PPTC7: variants seen among roughly 807,000 people sequenced by gnomAD.
PPTC7 encodes the protein protein phosphatase PTC7 homolog.
In PPTC7, 6 loss-of-function variants were observed where a neutral mutation model predicts 30.8. The ratio of observed to expected loss-of-function variants is 0.19; its 90% CI spans 0.11 to 0.38. The LOEUF is 0.38. PPTC7 is among the 10% of genes least tolerant of loss of function. The pLI is 1.00. For synonymous variants in PPTC7, 163 were observed against 168.1 expected (o/e 0.97, Z 0.23); for missense variants, 218 against 404.8 (o/e 0.54, Z 3.96).
chr12:110,556,670 T>G (rs1179394353), intron 1 of PPTC7, among the ~76,000 whole-genome samples: 1 of 152,110 alleles, frequency 6.6e-6, no homozygotes, highest in African/African-American at 2.4e-5. Context: ...AGGATAAGAA[T>G]AAGAATACCC....
Position 110,575,607 on chromosome 12 carries a change from C to CAA in PPTC7, c.223+7200_223+7201dup, listed in dbSNP as rs55831249. On this transcript the variant is annotated intron_variant, in intron 1 of 5. Transcript: ENST00000354300. ...CTCCTCCCATGCAGCAACCCCACCT[C>CAA]AAAAAAAAAAAAAAAAAAAAAAAAA... Among the ~76,000 whole-genome samples the CAA allele has an allele frequency of 7.7e-3, 205 of 26,532 alleles. 46 individuals carry two copies. Among genetic ancestry groups the CAA allele is most frequent in the East Asian group, 0.04 (26 of 642 alleles). The allele number at this position is 26,532 out of a possible 152,430, so 17.4% of individuals were successfully genotyped here.
At chr12:110,580,882 G>C (rs2064631317) in intron 1 of PPTC7, among the ~76,000 whole-genome samples, 1 of 152,108 alleles carries the variant, frequency 6.6e-6, no homozygotes, top group South Asian at 2.1e-4. Context: ...CTGTTGAGTA[G>C]CTGGGACTAT....
chr12:110,570,857 G>A (rs1565926838), intron 1 of PPTC7, among the ~76,000 whole-genome samples: 1 of 151,728 alleles, frequency 6.6e-6, no homozygotes. Context: ...CTCAGAGGCT[G>A]GCGGGATCCT....
At chr12:110,566,149 C>T (rs1300838263) in intron 1 of PPTC7, among the ~76,000 whole-genome samples, 2 of 49,442 alleles carry the variant, frequency 4.0e-5, no homozygotes, top group Non-Finnish European at 7.3e-5. Context: ...CAGTGCAGAG[C>T]TTACGGCATT....
Position 110,583,155 on chromosome 12 carries a change from A to T in PPTC7, c.-124T>A, listed in dbSNP as rs984090414. On this transcript the variant is annotated 5_prime_UTR_variant, in exon 1 of 6. Transcript: ENST00000354300. ...TGGGGCGCTCCTCAGGGCGGCGCGC[A>T]GTGGCCGCCGCCGCCCCTGCCCGAC... 9.0e-5 allele frequency: 52 copies of T among 579,724 alleles called. No homozygotes were observed. In the African/African-American group the frequency reaches 1.0e-3, roughly 11 times the overall value. 35.9% of individuals were successfully genotyped at this position (579,724 alleles called of 1,614,324 possible). A position where few individuals can be genotyped will look rare whatever the true frequency, so the allele number is the denominator to read the frequency against.
chr12:110,569,190 G>A (rs941882778), intron 1 of PPTC7, among the ~76,000 whole-genome samples: 36 of 151,830 alleles, frequency 2.4e-4, no homozygotes, highest in African/African-American at 7.0e-4. Flanking sequence ...AAAATTAGCC[G>A]GGCATGGTGG....
chr12:110,543,371 G>A (rs1338692988), intron 3 of PPTC7, among the ~76,000 whole-genome samples: 2 of 151,114 alleles, frequency 1.3e-5, no homozygotes, highest in East Asian at 1.9e-4. Flanking sequence ...AAACCTGTAA[G>A]TTAAGGTTAA....
At chr12:110,579,064 G>A (rs1159830092) in intron 1 of PPTC7, among the ~76,000 whole-genome samples, 2 of 152,000 alleles carry the variant, frequency 1.3e-5, no homozygotes, top group African/African-American at 4.8e-5. Flanking sequence ...CACAAGAATC[G>A]CTTGAAGCTG....
chr12:110,534,358 C>T lies in PPTC7; in HGVS notation c.*2679G>A, dbSNP rs922595750. Reference sequence around the variant, plus strand: ...ATTTGCCATTTGTAAATTAGAAATCCAAATTTTTTCTTTTGTTATAAAAGT... The same window carrying T: ...ATTTGCCATTTGTAAATTAGAAATCTAAATTTTTTCTTTTGTTATAAAAGT... On this transcript the variant is annotated 3_prime_UTR_variant, in exon 6 of 6. Transcript: ENST00000354300. 2.6e-5 allele frequency: 4 copies of T among 151,728 alleles called. No individual in the cohort carries two copies. Among genetic ancestry groups the T allele is most frequent in the African/African-American group, 9.7e-5 (4 of 41,238 alleles). The allele number at this position is 151,728 out of a possible 1,614,324, so 9.4% of individuals were successfully genotyped here.
chr12:110,533,447 A>C lies in PPTC7; in HGVS notation c.*3590T>G, dbSNP rs988072659. 6.6e-6 allele frequency: 1 copy of C among 152,218 alleles called. No individual in the cohort carries two copies. The highest frequency in any genetic ancestry group is 1.5e-5 in the Non-Finnish European group (1 of 68,038). 9.4% of individuals were successfully genotyped at this position (152,218 alleles called of 1,614,324 possible). A position where few individuals can be genotyped will look rare whatever the true frequency, so the allele number is the denominator to read the frequency against. On this transcript the variant is annotated 3_prime_UTR_variant, in exon 6 of 6. Coordinates refer to ENST00000354300, the MANE Select transcript of PPTC7 (RefSeq NM_139283.2). ...TTCTAATTTGCTTCATTATTTAGCCATCTTTGCCACAAACTACCTGCTAAC... is the reference window on the plus strand; with the variant it reads ...TTCTAATTTGCTTCATTATTTAGCCCTCTTTGCCACAAACTACCTGCTAAC...
chr12:110,546,293 A>G lies in PPTC7; in HGVS notation c.404-215T>C, dbSNP rs1190332663. On this transcript the variant is annotated intron_variant, in intron 2 of 5. Transcript: ENST00000354300. ...GAAAGAAAAAGGATTTGTATTATAC[A>G]TAGTAATTGGGCCACAGATGATCTG... The G allele has an allele frequency of 1.1e-5, 6 of 550,280 alleles. No homozygotes were observed. The Admixed American group carries it at 1.6e-4, about 15-fold the overall frequency. 34.1% of individuals were successfully genotyped at this position (550,280 alleles called of 1,614,324 possible).
At chr12:110,564,879 G>C (rs993925516) in intron 1 of PPTC7, among the ~76,000 whole-genome samples, 3 of 123,066 alleles carry the variant, frequency 2.4e-5, no homozygotes, top group African/African-American at 1.1e-4. Flanking sequence ...TATATACATT[G>C]TTTTTTTTTT....
intron 1 of PPTC7, among the ~76,000 whole-genome samples, chr12:110,581,070 T>G (rs1317893799): frequency 1.3e-5 from 2 of 152,036 alleles, no homozygotes; most frequent in Non-Finnish European, 1.5e-5. Context: ...ATTTATGAGG[T>G]GAACCTTAGA....
At chr12:110,550,223 ATTTTTTTT>A (rs796973487) in intron 2 of PPTC7, among the ~76,000 whole-genome samples, 3 of 103,026 alleles carry the variant, frequency 2.9e-5, no homozygotes, top group African/African-American at 1.1e-4. Context: ...ACAGGGGCTG[ATTTTTTTT>A]TTTTTTTTTT....
chr12:110,570,229 G>A (rs940224434), intron 1 of PPTC7, among the ~76,000 whole-genome samples: 1 of 144,728 alleles, frequency 6.9e-6, no homozygotes, highest in African/African-American at 2.7e-5. Context: ...TGGATTAAGG[G>A]CGGTGCAGGA....
At position 110,562,286 on chromosome 12, in the gene PPTC7, C is replaced by CAAA. The variant is rs11319526; in HGVS notation, c.224-10321_224-10319dup. ...TGGGCAACAGATTGAGACTCCATCT[C>CAAA]AAAAAAAAAAAAAAAAAAAAAAAAA... On this transcript the variant is annotated intron_variant, in intron 1 of 5. Transcript: ENST00000354300. Among the ~76,000 whole-genome samples, 31 of 34,734 alleles carry CAAA rather than the reference C, an allele frequency of 8.9e-4. 1 individual carries two copies. Among genetic ancestry groups the CAAA allele is most frequent in the African/African-American group, 2.7e-3 (22 of 8,002 alleles). The allele number at this position is 34,734 out of a possible 152,430, so 22.8% of individuals were successfully genotyped here. A position where few individuals can be genotyped will look rare whatever the true frequency, so the allele number is the denominator to read the frequency against.
At chr12:110,556,220 C>T (rs995519768) in intron 1 of PPTC7, among the ~76,000 whole-genome samples, 4 of 152,092 alleles carry the variant, frequency 2.6e-5, no homozygotes, top group Admixed American at 6.5e-5. Context: ...CTTTTTTACA[C>T]GGGCAAAGGA....
At chr12:110,546,234 T>C (rs964757762) in intron 2 of PPTC7, 156 bp from the exon 3 acceptor site, 2 of 626,008 alleles carry the variant, frequency 3.2e-6, no homozygotes. Context: ...TCTACGAATA[T>C]CAATAAAATC....
intron 1 of PPTC7, among the ~76,000 whole-genome samples, chr12:110,552,284 CTT>C (rs2064354608): frequency 6.6e-6 from 1 of 152,190 alleles, no homozygotes; most frequent in Non-Finnish European, 1.5e-5. Context: ...GTCATTAATA[CTT>C]TGTCTTTTAT....
Sources: allele counts gnomAD v4.1 joint callset (sites outside exome capture counted in the v4.1 genomes callset), GRCh38; gene constraint gnomAD v4.1.1; transcripts MANE v1.5; gene names NCBI Gene and HGNC (gene_info 2026-07-23, HGNC 2026-07-21).